The following PPP3CA variants were observed in gnomAD, a reference collection of about 807,000 sequenced individuals.
PPP3CA encodes the protein protein phosphatase 3 catalytic subunit alpha.
A neutral mutation model predicts 66.5 loss-of-function variants in PPP3CA; 14 were observed. That is an observed-to-expected ratio of 0.21 (90% CI 0.14 to 0.33). The LOEUF (loss-of-function observed/expected upper bound fraction) is 0.33, where lower values mean the gene tolerates loss of function less well. Among genes scored for constraint, PPP3CA ranks in the 10% least tolerant of loss-of-function variants. The probability of loss-of-function intolerance (pLI) is 1.00; values close to 1 mark genes in which losing one functional copy is unlikely to be tolerated. For missense variants in PPP3CA, 317 were observed against 639.5 expected, an observed-to-expected ratio of 0.50 and a Z score of 5.44; for synonymous variants, 232 against 226.2, an observed-to-expected ratio of 1.03 and a Z score of -0.23.
chr4:101,271,097 C>A (rs1383932351), intron 1 of PPP3CA, among the ~76,000 whole-genome samples: 2 of 152,004 alleles, frequency 1.3e-5, no homozygotes, highest in Non-Finnish European at 2.9e-5. Context: ...GAGTTCACAT[C>A]ACACACAGAA....
chr4:101,245,581 C>G (rs1340864683), intron 1 of PPP3CA, among the ~76,000 whole-genome samples: 4 of 152,124 alleles, frequency 2.6e-5, no homozygotes, highest in Non-Finnish European at 4.4e-5. Flanking sequence ...TCAAGAGCTA[C>G]TATTTTTTAC....
intron 13 of PPP3CA, among the ~76,000 whole-genome samples, chr4:101,028,023 C>A (rs1331157815): frequency 6.6e-6 from 1 of 152,176 alleles, no homozygotes; most frequent in African/African-American, 2.4e-5. Flanking sequence ...AGAATTCCCA[C>A]ATAAATAGCA....
chr4:101,111,530 A>G (rs1333250502), intron 2 of PPP3CA, among the ~76,000 whole-genome samples: 2 of 152,170 alleles, frequency 1.3e-5, no homozygotes, highest in East Asian at 3.9e-4. Context: ...CAAGTTTAAC[A>G]GTCATATTTT....
At chr4:101,079,054 AGACCGT>A (rs1382624633) in intron 8 of PPP3CA, among the ~76,000 whole-genome samples, 1 of 152,220 alleles carries the variant, frequency 6.6e-6, no homozygotes, top group Non-Finnish European at 1.5e-5. Context: ...GCAATGTAAA[AGACCGT>A]ATGGCAACAG....
chr4:101,195,721 T>A (rs1261780909), intron 2 of PPP3CA, among the ~76,000 whole-genome samples, 195 bp downstream of exon 2: 1 of 152,214 alleles, frequency 6.6e-6, no homozygotes, highest in African/African-American at 2.4e-5. Flanking sequence ...AGCATTGCAA[T>A]CTTACAGATA....
intron 2 of PPP3CA, among the ~76,000 whole-genome samples, chr4:101,164,562 G>GTT (rs36078367): frequency 0.079 from 11,214 of 142,104 alleles, 631 homozygotes; most frequent in East Asian, 0.2. Flanking sequence ...TGGGATTTAA[G>GTT]TTTTTTTTTT....
At chr4:101,196,276 G>C (rs1560652783) in intron 1 of PPP3CA, among the ~76,000 whole-genome samples, 160 bp from the exon 2 acceptor site, 1 of 152,128 alleles carries the variant, frequency 6.6e-6, no homozygotes. Flanking sequence ...CAAAAATTAA[G>C]AACTGCATCC....
At chr4:101,257,920 G>A (rs1047803301) in intron 1 of PPP3CA, among the ~76,000 whole-genome samples, 1 of 152,004 alleles carries the variant, frequency 6.6e-6, no homozygotes, top group African/African-American at 2.4e-5. Flanking sequence ...GTTAGCAAAT[G>A]AAACTGTGTT....
At chr4:101,078,654 T>C (rs1181453093) in intron 8 of PPP3CA, among the ~76,000 whole-genome samples, 1 of 152,198 alleles carries the variant, frequency 6.6e-6, no homozygotes, top group Admixed American at 6.5e-5. Flanking sequence ...TCTAGGGTCC[T>C]TTATGATCAT....
chr4:101,236,809 C>T (rs1726145934), intron 1 of PPP3CA, among the ~76,000 whole-genome samples: 1 of 151,646 alleles, frequency 6.6e-6, no homozygotes, highest in African/African-American at 2.4e-5. Context: ...AGATTGAAGA[C>T]TAGTTGGCAG....
At chr4:101,240,963 A>G (rs1726287123) in intron 1 of PPP3CA, 1 of 151,972 alleles carries the variant, frequency 6.6e-6, no homozygotes, top group South Asian at 2.1e-4. Flanking sequence ...TTGACCTCCC[A>G]GGCTTAAGCA....
chr4:101,045,190 T>C (rs558888612), intron 10 of PPP3CA, among the ~76,000 whole-genome samples: 1 of 152,370 alleles, frequency 6.6e-6, no homozygotes, highest in East Asian at 1.9e-4. Flanking sequence ...TGCCATGTGC[T>C]AGCAATAGAA....
intron 2 of PPP3CA, among the ~76,000 whole-genome samples, chr4:101,167,958 C>CGAGA: frequency 6.6e-6 from 1 of 152,280 alleles, no homozygotes; most frequent in Middle Eastern, 3.4e-3. Flanking sequence ...TCCTCTTGAC[C>CGAGA]TCTCTAGTGG....
At chr4:101,330,004 A>AATATATCTCATAAGAC (rs1729329733) in intron 1 of PPP3CA, among the ~76,000 whole-genome samples, 1 of 152,138 alleles carries the variant, frequency 6.6e-6, no homozygotes, top group Non-Finnish European at 1.5e-5. Context: ...CTATTTAAGA[A>AATATATCTCATAAGAC]ATATATCTCA....
intron 1 of PPP3CA, among the ~76,000 whole-genome samples, chr4:101,243,156 T>C (rs1487415579): frequency 6.6e-6 from 1 of 152,200 alleles, no homozygotes; most frequent in South Asian, 2.1e-4. Context: ...AATCCACTCC[T>C]GCTTTTTCAT....
chr4:101,307,057 C>T (rs1475744107), intron 1 of PPP3CA, among the ~76,000 whole-genome samples: 1 of 151,290 alleles, frequency 6.6e-6, no homozygotes. Context: ...GTAGGTGTTA[C>T]AGCTCTATCA....
At chr4:101,027,089 G>C (rs1420739448) in intron 13 of PPP3CA, among the ~76,000 whole-genome samples, 3 of 152,114 alleles carry the variant, frequency 2.0e-5, no homozygotes, top group Admixed American at 6.6e-5. Flanking sequence ...CAACTGGTGA[G>C]CTGCAAATAA....
At chr4:101,270,810 A>G (rs761754946) in intron 1 of PPP3CA, among the ~76,000 whole-genome samples, 1 of 152,186 alleles carries the variant, frequency 6.6e-6, no homozygotes, top group Non-Finnish European at 1.5e-5. Flanking sequence ...TACATTCCAA[A>G]AAATCATTGC....
At chr4:101,077,533 T>C (rs1396415240) in intron 8 of PPP3CA, among the ~76,000 whole-genome samples, 2 of 152,198 alleles carry the variant, frequency 1.3e-5, no homozygotes, top group Non-Finnish European at 2.9e-5. Context: ...ACTTTAGCAG[T>C]GAATAATTGA....
Sources: gnomAD v4.1 joint callset for allele counts (sites outside exome capture counted in the v4.1 genomes callset) on GRCh38, gnomAD v4.1.1 for gene constraint, MANE v1.5 for transcripts, NCBI Gene and HGNC (gene_info 2026-07-23, HGNC 2026-07-21) for gene names.